C2orf76: variants seen among roughly 807,000 people sequenced by gnomAD.
C2orf76 encodes the protein UPF0538 protein C2orf76.
A neutral mutation model predicts 16.9 loss-of-function variants in C2orf76; 23 were observed. That is an observed-to-expected ratio of 1.36 (90% confidence interval 0.98 to 1.93). The LOEUF (loss-of-function observed/expected upper bound fraction) is 1.93. C2orf76 is among the 30% of genes most tolerant of loss of function. The pLI, the probability that C2orf76 is intolerant of heterozygous loss-of-function variation, is 0.00. For missense variants in C2orf76, 152 were observed against 152.6 expected (o/e 1.00, Z 0.02); for synonymous variants, 48 against 52.3 (o/e 0.92, Z 0.35).
chr2:119,296,755 G>A, the C2orf76 span, among the ~76,000 whole-genome samples: 283 of 152,346 alleles, frequency 1.9e-3, 3 homozygotes, highest in South Asian at 8.7e-3. Context: ...GGCCCAACTC[G>A]TGGGACCAGG....
chr2:119,329,698 G>A (rs1038647991), intron 2 of C2orf76, among the ~76,000 whole-genome samples: 4 of 151,884 alleles, frequency 2.6e-5, no homozygotes, highest in Non-Finnish European at 4.4e-5. Context: ...CATCTTTATC[G>A]GTCTACCTCC....
At chr2:119,334,265 T>C (rs1679767304) in intron 2 of C2orf76, among the ~76,000 whole-genome samples, 1 of 151,288 alleles carries the variant, frequency 6.6e-6, no homozygotes, top group Admixed American at 6.6e-5. Flanking sequence ...GCGGATATTT[T>C]AGGCAGTGAA....
At chr2:119,289,402 G>C in the C2orf76 span, among the ~76,000 whole-genome samples, 1 of 151,996 alleles carries the variant, frequency 6.6e-6, no homozygotes, top group Non-Finnish European at 1.5e-5. Context: ...TTAAAGCGCA[G>C]GGTGGCCGGG....
At chr2:119,343,030 A>G (rs1680085562) in intron 1 of C2orf76, among the ~76,000 whole-genome samples, 1 of 152,182 alleles carries the variant, frequency 6.6e-6, no homozygotes, top group Non-Finnish European at 1.5e-5. Context: ...TCGGCCTCCC[A>G]AAGTATATCA....
chr2:119,309,901 G>C (rs1201589759), intron 5 of C2orf76, among the ~76,000 whole-genome samples: 1 of 152,048 alleles, frequency 6.6e-6, no homozygotes, highest in African/African-American at 2.4e-5. Flanking sequence ...CCAAGATTAT[G>C]AAATTATTGA....
intron 2 of C2orf76, among the ~76,000 whole-genome samples, chr2:119,327,462 C>T (rs1679544245): frequency 6.7e-6 from 1 of 150,000 alleles, no homozygotes; most frequent in Non-Finnish European, 1.5e-5. Flanking sequence ...ATGTAACCTC[C>T]AAAGTTGGCG....
At chr2:119,315,225 G>A (rs1201115208) in intron 4 of C2orf76, among the ~76,000 whole-genome samples, 1 of 152,020 alleles carries the variant, frequency 6.6e-6, no homozygotes, top group African/African-American at 2.4e-5. Flanking sequence ...AGGCTCGGGT[G>A]GGAAGGTATC....
chr2:119,366,563 G>C (rs1023855963), intron 1 of C2orf76: 2 of 463,318 alleles, frequency 4.3e-6, no homozygotes, highest in South Asian at 1.6e-5. Flanking sequence ...AGCGGGTCCC[G>C]CCCGCCATTC....
At chr2:119,315,828 T>C (rs571297786) in intron 4 of C2orf76, among the ~76,000 whole-genome samples, 1 of 152,346 alleles carries the variant, frequency 6.6e-6, no homozygotes, top group South Asian at 2.1e-4. Flanking sequence ...GTGAAACATA[T>C]GTCTTAAATA....
chr2:119,281,957 T>A, the C2orf76 span, among the ~76,000 whole-genome samples: 1 of 152,102 alleles, frequency 6.6e-6, no homozygotes, highest in South Asian at 2.1e-4. Flanking sequence ...TTGTACATGT[T>A]CTGGAAAGTT....
chr2:119,331,869 G>A (rs978820995), intron 2 of C2orf76, among the ~76,000 whole-genome samples: 7 of 152,122 alleles, frequency 4.6e-5, no homozygotes, highest in African/African-American at 1.7e-4. Flanking sequence ...TTCCCACTTT[G>A]CACTGCGTTT....
At chr2:119,286,224 C>CGA in the C2orf76 span, among the ~76,000 whole-genome samples, 1 of 60,342 alleles carries the variant, frequency 1.7e-5, no homozygotes, top group African/African-American at 5.7e-5. Flanking sequence ...GACTCCATCT[C>CGA]AAAAAAAAAA....
the C2orf76 span, among the ~76,000 whole-genome samples, chr2:119,283,391 C>T: frequency 3.3e-5 from 5 of 152,224 alleles, no homozygotes; most frequent in Non-Finnish European, 7.3e-5. Context: ...CTTCCTGCCT[C>T]CTCCTTCCTG....
chr2:119,302,785 TA>T (rs148766328), intron 5 of C2orf76, among the ~76,000 whole-genome samples: 2 of 152,048 alleles, frequency 1.3e-5, no homozygotes, highest in African/African-American at 2.4e-5. Flanking sequence ...GAACAAAAAA[TA>T]AAAAACCAAA....
intron 5 of C2orf76, among the ~76,000 whole-genome samples, chr2:119,305,944 A>ACAAC (rs70947270): frequency 1.5e-4 from 13 of 84,768 alleles, no homozygotes; most frequent in African/African-American, 4.7e-4. Flanking sequence ...AACAACAACA[A>ACAAC]AAAAAAAAAA....
At chr2:119,340,025 C>G in intron 1 of C2orf76, 54 bp from the exon 2 acceptor site, 1 of 1,570,918 alleles carries the variant, frequency 6.4e-7, no homozygotes, top group Non-Finnish European at 8.7e-7. Flanking sequence ...CAGTTGTCTA[C>G]CAGCACCTAG....
upstream of C2orf76, chr2:119,366,966 A>G: frequency 1.3e-6 from 2 of 1,578,792 alleles, no homozygotes; most frequent in South Asian, 2.2e-5. Context: ...GCGCCTCTAA[A>G]GGCGCTTGCC....
At chr2:119,348,551 TG>T (rs1680278562) in intron 1 of C2orf76, among the ~76,000 whole-genome samples, 1 of 152,056 alleles carries the variant, frequency 6.6e-6, no homozygotes, top group African/African-American at 2.4e-5. Context: ...CCAGGCGTGG[TG>T]GTGCGCGCCT....
intron 2 of C2orf76, among the ~76,000 whole-genome samples, chr2:119,336,328 GGTT>G (rs1236204248): frequency 6.6e-6 from 1 of 152,054 alleles, no homozygotes; most frequent in Non-Finnish European, 1.5e-5. Flanking sequence ...AGGAGCCAGA[GGTT>G]GTTAGCCGAG....
Sources: gnomAD v4.1 joint callset for allele counts (sites outside exome capture counted in the v4.1 genomes callset) on GRCh38, gnomAD v4.1.1 for gene constraint, MANE v1.5 for transcripts, NCBI Gene and HGNC (gene_info 2026-07-23, HGNC 2026-07-21) for gene names.